Variants in SCTR observed in about 807,000 individuals in gnomAD.
SCTR encodes secretin receptor.
Under a neutral mutation model 60.8 loss-of-function variants are expected in SCTR, and 56 were observed. The ratio of observed to expected loss-of-function variants is 0.92; its 90% CI spans 0.74 to 1.15. The LOEUF (loss-of-function observed/expected upper bound fraction) is 1.15, where lower values mean the gene tolerates loss of function less well. Among genes scored for constraint, SCTR ranks in the 50% most tolerant of loss-of-function variants. The probability of loss-of-function intolerance (pLI) is 0.00; values close to 1 mark genes in which losing one functional copy is unlikely to be tolerated. For synonymous variants in SCTR, 202 were observed against 217.0 expected (o/e 0.93, Z 0.61); for missense variants, 562 against 550.4 (o/e 1.02, Z -0.21).
chr2:119,520,596 G>T (rs543831376), intron 1 of SCTR, among the ~76,000 whole-genome samples: 1 of 152,126 alleles, frequency 6.6e-6, no homozygotes, highest in Non-Finnish European at 1.5e-5. Flanking sequence ...ACAGGGCAGC[G>T]ACCACCATGT....
At chr2:119,501,380 A>C (rs1678545956) in intron 1 of SCTR, among the ~76,000 whole-genome samples, 1 of 151,878 alleles carries the variant, frequency 6.6e-6, no homozygotes. Context: ...ACTGCACTCC[A>C]GCCTGAACAA....
chr2:119,493,982 A>G (rs1325841877), intron 2 of SCTR, among the ~76,000 whole-genome samples: 2 of 152,168 alleles, frequency 1.3e-5, no homozygotes, highest in Non-Finnish European at 2.9e-5. Context: ...TCAGAGGGCT[A>G]AATAATTTGC....
chr2:119,490,234 T>G (rs1267276858), intron 2 of SCTR, among the ~76,000 whole-genome samples: 6 of 152,224 alleles, frequency 3.9e-5, no homozygotes, highest in African/African-American at 7.2e-5. Context: ...GCTCAAACTG[T>G]GGGAGAGATG....
Position 119,455,508 on chromosome 2 carries a change from G to A in SCTR, c.791-2161C>T, listed in dbSNP as rs1189860124. Among the ~76,000 whole-genome samples the A allele has an allele frequency of 4.6e-5, 7 of 152,316 alleles. No homozygotes were observed. In the East Asian group the frequency reaches 7.7e-4, roughly 17 times the overall value. ...TTGGAACAAAACAACTCTAAGGAAC[G>A]CCATCGGAGAGATAAAAGGTCGTAT... On this transcript the variant is annotated intron_variant, in intron 7 of 12. Transcript: ENST00000019103.
chr2:119,505,557 G>A (rs1356620447), intron 1 of SCTR, among the ~76,000 whole-genome samples: 2 of 152,060 alleles, frequency 1.3e-5, no homozygotes, highest in Non-Finnish European at 2.9e-5. Flanking sequence ...TCCTTTGTAG[G>A]GACATGGATG....
intron 11 of SCTR, among the ~76,000 whole-genome samples, chr2:119,446,392 C>T (rs962249832): frequency 2.6e-5 from 4 of 152,196 alleles, no homozygotes; most frequent in Non-Finnish European, 5.9e-5. Flanking sequence ...AACACCCGCC[C>T]CACGCTCCCG....
At chr2:119,490,671 G>A (rs1278884793) in intron 2 of SCTR, among the ~76,000 whole-genome samples, 1 of 152,144 alleles carries the variant, frequency 6.6e-6, no homozygotes, top group African/African-American at 2.4e-5. Flanking sequence ...ATCACCATGT[G>A]TGGTCAGTGT....
intron 2 of SCTR, 41 bp downstream of exon 2, chr2:119,494,387 C>T (rs1558872308): frequency 6.2e-7 from 1 of 1,603,984 alleles, no homozygotes; most frequent in Non-Finnish European, 8.5e-7. Context: ...CGGACATGCT[C>T]CACCCCCAAG....
intron 8 of SCTR, among the ~76,000 whole-genome samples, chr2:119,452,764 G>A (rs373299641): frequency 6.6e-6 from 1 of 152,012 alleles, no homozygotes; most frequent in Admixed American, 6.6e-5. Context: ...ATGCTGCCCC[G>A]CTGCCTCGCT....
chr2:119,472,282 T>G (rs1016187029), intron 4 of SCTR, among the ~76,000 whole-genome samples: 14 of 152,192 alleles, frequency 9.2e-5, no homozygotes, highest in Non-Finnish European at 1.2e-4. Context: ...AAGAAAGGGC[T>G]GGCATGGATG....
At chr2:119,446,547 T>C (rs59283690) in intron 11 of SCTR, among the ~76,000 whole-genome samples, 37,688 of 152,066 alleles carry the variant, frequency 0.25, 5,412 homozygotes, top group African/African-American at 0.39. Flanking sequence ...TCAGTCTCTC[T>C]GTCTCTCTTA....
Position 119,496,174 on chromosome 2 carries a change from A to G in SCTR, c.73-1626T>C, listed in dbSNP as rs756303666. Reference sequence around the variant, plus strand: ...AGAGCTTGAGTGGAAAAATCCACCTAGAGATTGGCAGGCACTGCCTGTTAG... The same window carrying G: ...AGAGCTTGAGTGGAAAAATCCACCTGGAGATTGGCAGGCACTGCCTGTTAG... On this transcript the variant is annotated intron_variant, in intron 1 of 12. Transcript: ENST00000019103. 8.9e-4 allele frequency among the ~76,000 whole-genome samples: 135 copies of G among 152,224 alleles called. 2 individuals are homozygous for G. The highest frequency in any genetic ancestry group is 1.8e-3 in the Non-Finnish European group (122 of 68,036).
chr2:119,482,222 C>T (rs2579625), intron 2 of SCTR, among the ~76,000 whole-genome samples: 87,494 of 152,010 alleles, frequency 0.58, 27,148 homozygotes, highest in Non-Finnish European at 0.69. Flanking sequence ...TAGGGTGGGC[C>T]GGGCCAGGGC....
Position 119,476,091 on chromosome 2 carries a change from G to T in SCTR, c.302-2535C>A, listed in dbSNP as rs184184726. Reference sequence around the variant, plus strand: ...CCCATGTAGTAGGTGCCCTCAAGGAGAATTAATTTATTTTCCAGAGCACCT... The same window carrying T: ...CCCATGTAGTAGGTGCCCTCAAGGATAATTAATTTATTTTCCAGAGCACCT... On this transcript the variant is annotated intron_variant, in intron 3 of 12. Coordinates refer to ENST00000019103, the MANE Select transcript of SCTR (RefSeq NM_002980.3). Among the ~76,000 whole-genome samples the T allele has an allele frequency of 1.2e-4, 19 of 152,258 alleles. No individual in the cohort carries two copies. In the East Asian group the frequency reaches 3.7e-3, roughly 29 times the overall value.
At chr2:119,444,274 TAC>T (rs1682786788) in intron 11 of SCTR, among the ~76,000 whole-genome samples, 2 of 96,360 alleles carry the variant, frequency 2.1e-5, no homozygotes, top group South Asian at 6.4e-4. Context: ...TATACATATA[TAC>T]ATATGAATAT....
At position 119,497,708 on chromosome 2, in the gene SCTR, A is replaced by G. The variant is rs575842261; in HGVS notation, c.73-3160T>C. On this transcript the variant is annotated intron_variant, in intron 1 of 12. Coordinates refer to ENST00000019103, the MANE Select transcript of SCTR (RefSeq NM_002980.3). ...GGAAATTTTAGAAGTGAAAAAGATAATAAACAAAATAAGCTCCGTGGATGG... is the reference window on the plus strand; with the variant it reads ...GGAAATTTTAGAAGTGAAAAAGATAGTAAACAAAATAAGCTCCGTGGATGG... Among the ~76,000 whole-genome samples the G allele has an allele frequency of 4.6e-5, 7 of 151,602 alleles. No individual in the cohort carries two copies. In the East Asian group the frequency reaches 1.2e-3, roughly 25 times the overall value.
intron 1 of SCTR, among the ~76,000 whole-genome samples, chr2:119,504,003 C>T (rs1247908121): frequency 1.3e-5 from 2 of 152,012 alleles, no homozygotes; most frequent in South Asian, 2.1e-4. Flanking sequence ...AATCGGTTTA[C>T]CTGATTTTAA....
intron 1 of SCTR, among the ~76,000 whole-genome samples, chr2:119,522,445 T>G (rs939409286): frequency 5.9e-5 from 9 of 152,186 alleles, no homozygotes; most frequent in Non-Finnish European, 1.2e-4. Context: ...GTCCCGGCTC[T>G]ACTACTAACT....
intron 7 of SCTR, among the ~76,000 whole-genome samples, chr2:119,458,583 A>G (rs1047691559): frequency 2.0e-5 from 3 of 149,056 alleles, no homozygotes; most frequent in Non-Finnish European, 2.9e-5. Context: ...CCTGGGCAAC[A>G]GGGCAAGACT....
Sources: allele counts gnomAD v4.1 joint callset (sites outside exome capture counted in the v4.1 genomes callset), GRCh38; gene constraint gnomAD v4.1.1; transcripts MANE v1.5; gene names NCBI Gene and HGNC (gene_info 2026-07-23, HGNC 2026-07-21).